GARRE1: variants seen among roughly 807,000 people sequenced by gnomAD.
The protein encoded by GARRE1 is granule associated Rac and RHOG effector 1.
Under a neutral mutation model 103.2 loss-of-function variants are expected in GARRE1, and 49 were observed. That is an observed-to-expected ratio of 0.47 (90% confidence interval 0.38 to 0.60). The LOEUF (loss-of-function observed/expected upper bound fraction) is 0.60. Among genes scored for constraint, GARRE1 ranks in the 20% least tolerant of loss-of-function variants. The probability of loss-of-function intolerance (pLI) is 0.00; values close to 1 mark genes in which losing one functional copy is unlikely to be tolerated. For missense variants in GARRE1, 1,199 were observed against 1,370.5 expected, an observed-to-expected ratio of 0.87 and a Z score of 1.98; for synonymous variants, 505 against 532.8, an observed-to-expected ratio of 0.95 and a Z score of 0.72.
chr19:34,327,367 G>A, intron 3 of GARRE1, 54 bp from the exon 4 acceptor site: 1 of 1,539,490 alleles, frequency 6.5e-7, no homozygotes, highest in East Asian at 2.3e-5. Context: ...TTGGTCTAAT[G>A]TTGCTAGAAC....
chr19:34,308,414 T>G (rs1325186774), intron 2 of GARRE1, among the ~76,000 whole-genome samples: 2 of 152,216 alleles, frequency 1.3e-5, no homozygotes, highest in South Asian at 2.1e-4. Flanking sequence ...AAAGCTTGTA[T>G]GAATCCAGTT....
intron 2 of GARRE1, among the ~76,000 whole-genome samples, chr19:34,307,336 T>C (rs981251302): frequency 5.9e-5 from 9 of 152,072 alleles, no homozygotes; most frequent in Non-Finnish European, 1.3e-4. Flanking sequence ...TGGTTTTACG[T>C]TGGGTCCTCA....
chr19:34,348,443 A>G (rs1045447271), intron 11 of GARRE1: 1 of 163,830 alleles, frequency 6.1e-6, no homozygotes. Context: ...AAAGTGTACA[A>G]TTGAGATTCT....
intron 11 of GARRE1, chr19:34,348,274 C>A: frequency 2.7e-6 from 1 of 369,668 alleles, no homozygotes; most frequent in African/African-American, 2.1e-5. Context: ...GGTATACATT[C>A]ATGATTTTCA....
intron 2 of GARRE1, among the ~76,000 whole-genome samples, chr19:34,303,909 T>A (rs1445588498): frequency 6.6e-6 from 1 of 152,060 alleles, no homozygotes; most frequent in Non-Finnish European, 1.5e-5. Flanking sequence ...AAGCCACCGC[T>A]CCCGGCCTTG....
In GARRE1 at chr19:34,347,961, G is replaced by A. The variant is rs1290184234; in HGVS notation, c.2606G>A (p.Arg869Gln). The change falls in exon 11 of 14, where the codon CGG becomes CAG. Residue 869 changes from arginine (R) to glutamine (Q), a missense_variant. By Grantham distance (43) the Arg-to-Gln change is conservative. Transcript: ENST00000299505. ...AAGCGGCAGGCCCAGCACGGTCGCC[G>A]GCCAGGCAACCCCCGGGGCAACTGG... ...QQKRQAQHGR[R>Q]PGNPRGNWPP... 2 of 1,588,482 alleles carry A rather than the reference G, an allele frequency of 1.3e-6. No homozygotes were observed. Among genetic ancestry groups the A allele is most frequent in the Middle Eastern group, 1.7e-4 (1 of 6,006 alleles).
chr19:34,329,629 A>G (rs557037629), intron 6 of GARRE1, among the ~76,000 whole-genome samples: 1 of 152,288 alleles, frequency 6.6e-6, no homozygotes, highest in East Asian at 1.9e-4. Flanking sequence ...TGAGGTCAGG[A>G]GTTCAAGACC....
At position 34,270,163 on chromosome 19, in the gene GARRE1, C is replaced by T. The variant is rs184980913; in HGVS notation, c.-796+15549C>T. Among the ~76,000 whole-genome samples, 103 of 152,368 alleles carry T rather than the reference C, an allele frequency of 6.8e-4. 2 individuals are homozygous for T. Among genetic ancestry groups the T allele is most frequent in the Admixed American group, 2.4e-3 (36 of 15,298 alleles). On this transcript the variant is annotated intron_variant, in intron 1 of 13. Transcript: ENST00000299505. ...TACCGCAGTTGCACAGGAAATGAGG[C>T]GGCTCCTGGCTGGCTGCTGCTAAGC...
chr19:34,333,342 G>T (rs1479099584), intron 7 of GARRE1, among the ~76,000 whole-genome samples: 1 of 152,120 alleles, frequency 6.6e-6, no homozygotes, highest in African/African-American at 2.4e-5. Context: ...CACCCAGTCT[G>T]GTTTGACTTT....
At chr19:34,276,128 A>T (rs553672980) in intron 1 of GARRE1, among the ~76,000 whole-genome samples, 1 of 151,690 alleles carries the variant, frequency 6.6e-6, no homozygotes, top group Non-Finnish European at 1.5e-5. Context: ...ACTGCAGCCT[A>T]TGTTTCCTAG....
intron 10 of GARRE1, among the ~76,000 whole-genome samples, chr19:34,346,908 A>G (rs1447241445): frequency 1.3e-5 from 2 of 151,082 alleles, no homozygotes; most frequent in Non-Finnish European, 3.0e-5. Flanking sequence ...GTGAGCCACC[A>G]AGCCCAGCCC....
At chr19:34,352,135 G>A (rs973069006) in intron 13 of GARRE1, among the ~76,000 whole-genome samples, 6 of 151,842 alleles carry the variant, frequency 4.0e-5, no homozygotes, top group African/African-American at 7.3e-5. Flanking sequence ...GCGCAGTGGC[G>A]ACGCCTGTAA....
chr19:34,285,129 A>C (rs1322417064), intron 1 of GARRE1: 1 of 152,096 alleles, frequency 6.6e-6, no homozygotes, highest in Non-Finnish European at 1.5e-5. Context: ...CTGTGTGTGC[A>C]TTTTCAACAT....
chr19:34,328,887 C>T (rs1229239334), intron 6 of GARRE1, among the ~76,000 whole-genome samples: 1 of 152,200 alleles, frequency 6.6e-6, no homozygotes, highest in East Asian at 1.9e-4. Flanking sequence ...GGATTACAGG[C>T]ATGAGCCACC....
intron 2 of GARRE1, among the ~76,000 whole-genome samples, chr19:34,309,417 A>T (rs2074026846): frequency 6.6e-6 from 1 of 152,222 alleles, no homozygotes; most frequent in African/African-American, 2.4e-5. Context: ...GTCTTGGTTG[A>T]TTGGGATTTA....
At chr19:34,279,743 T>C (rs1461452709) in intron 1 of GARRE1, among the ~76,000 whole-genome samples, 1 of 151,996 alleles carries the variant, frequency 6.6e-6, no homozygotes, top group Non-Finnish European at 1.5e-5. Flanking sequence ...CCCAGCACTT[T>C]GGGAGGCCGA....
intron 13 of GARRE1, among the ~76,000 whole-genome samples, chr19:34,352,182 G>A (rs1049538098): frequency 1.3e-5 from 2 of 152,006 alleles, no homozygotes; most frequent in Admixed American, 6.6e-5. Flanking sequence ...GGTGGATCAC[G>A]AACGAGGTCA....
At chr19:34,345,486 A>G (rs898143090) in intron 10 of GARRE1, among the ~76,000 whole-genome samples, 14 of 152,196 alleles carry the variant, frequency 9.2e-5, no homozygotes, top group African/African-American at 3.1e-4. Flanking sequence ...TGACTGTCAT[A>G]TAACTAAATC....
chr19:34,297,981 A>G (rs1033129795), intron 1 of GARRE1, among the ~76,000 whole-genome samples: 3 of 152,206 alleles, frequency 2.0e-5, no homozygotes, highest in African/African-American at 7.2e-5. Context: ...TGCCAACACA[A>G]TCATAGAAAT....
Sources: gnomAD v4.1 joint callset for allele counts (sites outside exome capture counted in the v4.1 genomes callset) on GRCh38, gnomAD v4.1.1 for gene constraint, MANE v1.5 for transcripts, NCBI Gene and HGNC (gene_info 2026-07-23, HGNC 2026-07-21) for gene names.